USH2A: variants seen among roughly 807,000 people sequenced by gnomAD.
The protein encoded by USH2A is usherin.
A neutral mutation model predicts 538.9 loss-of-function variants in USH2A; 443 were observed. That is an observed-to-expected ratio of 0.82 (90% CI 0.76 to 0.89). The LOEUF (loss-of-function observed/expected upper bound fraction) is 0.89, where lower values mean the gene tolerates loss of function less well. Ranked by LOEUF, USH2A falls within the 40% of genes least tolerant of loss-of-function variation. The pLI is 0.00. For missense variants in USH2A, 6,633 were observed against 6,324.8 expected (o/e 1.05, Z -1.65); for synonymous variants, 2,413 against 2,273.5 (o/e 1.06, Z -1.75).
At chr1:216,120,333 G>C (rs922537301) in intron 21 of USH2A, among the ~76,000 whole-genome samples, 33 of 150,486 alleles carry the variant, frequency 2.2e-4, no homozygotes, top group East Asian at 1.2e-3. Context: ...TCAGGAGATT[G>C]AGGCCAGCCT....
intron 21 of USH2A, among the ~76,000 whole-genome samples, chr1:216,164,212 C>T (rs1235667205): frequency 6.6e-6 from 1 of 152,030 alleles, no homozygotes; most frequent in African/African-American, 2.4e-5. Flanking sequence ...TGAACTCTTC[C>T]ATTTAAAGGT....
chr1:216,174,344 T>C (rs1376187035), intron 21 of USH2A: 51 of 982,716 alleles, frequency 5.2e-5, no homozygotes, highest in Non-Finnish European at 6.2e-5. Context: ...ATTGGAAAAA[T>C]GGTGTACCAT....
intron 3 of USH2A, among the ~76,000 whole-genome samples, chr1:216,408,477 T>C (rs750760003): frequency 3.9e-5 from 6 of 152,124 alleles, no homozygotes; most frequent in Non-Finnish European, 5.9e-5. Context: ...CAAGATAAAG[T>C]TTAATTTTTA....
chr1:216,305,628 G>A (rs1477790774), intron 9 of USH2A, among the ~76,000 whole-genome samples: 1 of 151,638 alleles, frequency 6.6e-6, no homozygotes, highest in Non-Finnish European at 1.5e-5. Flanking sequence ...GCTTTAAGGA[G>A]GTTGTATTCT....
intron 20 of USH2A, among the ~76,000 whole-genome samples, chr1:216,187,635 C>T (rs913243824): frequency 2.0e-5 from 3 of 151,792 alleles, no homozygotes; most frequent in Non-Finnish European, 2.9e-5. Context: ...GTAAAATAAA[C>T]TCTCCTTGAT....
At chr1:216,282,767 T>C (rs2036807315) in intron 11 of USH2A, among the ~76,000 whole-genome samples, 1 of 152,208 alleles carries the variant, frequency 6.6e-6, no homozygotes, top group South Asian at 2.1e-4. Flanking sequence ...AAGGTGGGCA[T>C]TTAACAAAGA....
intron 70 of USH2A, among the ~76,000 whole-genome samples, chr1:215,633,075 T>C (rs1430781293): frequency 6.6e-6 from 1 of 152,128 alleles, no homozygotes; most frequent in African/African-American, 2.4e-5. Flanking sequence ...ATGTGGTAAA[T>C]GCTATAGAAA....
At chr1:215,647,429 G>C in intron 67 of USH2A, 93 bp downstream of exon 67, 1 of 1,495,900 alleles carries the variant, frequency 6.7e-7, no homozygotes, top group Non-Finnish European at 9.3e-7. Flanking sequence ...CACTCAATCT[G>C]TTTTTAAAAG....
chr1:215,924,643 G>A lies in USH2A; in HGVS notation c.7300+9973C>T, dbSNP rs1189817863. 2.7e-5 allele frequency among the ~76,000 whole-genome samples: 4 copies of A among 149,640 alleles called. No individual in the cohort carries two copies. In the East Asian group the frequency reaches 5.8e-4, roughly 22 times the overall value. Reference sequence around the variant, plus strand: ...TAAGCTTAAAGTTATGGATAAAGCCGTCTTCGAAGAAAAAAAAAGAAAATG... The same window carrying A: ...TAAGCTTAAAGTTATGGATAAAGCCATCTTCGAAGAAAAAAAAAGAAAATG... On this transcript the variant is annotated intron_variant, in intron 38 of 71. Transcript: ENST00000307340.
chr1:216,120,420 C>G (rs2033108609), intron 21 of USH2A, among the ~76,000 whole-genome samples: 1 of 151,664 alleles, frequency 6.6e-6, no homozygotes, highest in Admixed American at 6.6e-5. Context: ...CGCTCTGTCA[C>G]CCAGGCTGGA....
intron 41 of USH2A, among the ~76,000 whole-genome samples, chr1:215,888,069 A>G (rs1229257293): frequency 6.6e-6 from 1 of 152,250 alleles, no homozygotes; most frequent in African/African-American, 2.4e-5. Context: ...TTGGTAATGG[A>G]AAATTTTGTT....
At position 215,791,344 on chromosome 1, in the gene USH2A, A is replaced by C. The variant is rs187109304; in HGVS notation, c.9959-1062T>G. Among the ~76,000 whole-genome samples the C allele has an allele frequency of 5.9e-5, 9 of 152,356 alleles. No homozygotes were observed. The East Asian group carries it at 1.7e-3, about 29-fold the overall frequency. ...ATAACATAAAGAACCTCAAATTCAA[A>C]GTGCCCTGGGGTCCTGAATTGTTTA... On this transcript the variant is annotated intron_variant, in intron 50 of 71. Transcript: ENST00000307340.
intron 60 of USH2A, among the ~76,000 whole-genome samples, chr1:215,736,567 A>C (rs750353364): frequency 2.6e-5 from 4 of 152,050 alleles, no homozygotes; most frequent in Non-Finnish European, 5.9e-5. Context: ...AGAGCCATAA[A>C]AGTGCTGGAA....
intron 64 of USH2A, among the ~76,000 whole-genome samples, chr1:215,651,364 T>C (rs188718962): frequency 1.3e-5 from 2 of 152,176 alleles, no homozygotes; most frequent in Non-Finnish European, 2.9e-5. Flanking sequence ...TCAGGTACAA[T>C]AGACAGAGTA....
In USH2A at chr1:215,965,605, T is replaced by C. The variant is rs1052668157; in HGVS notation, c.6958-126A>G. 9 of 1,060,848 alleles carry C rather than the reference T, an allele frequency of 8.5e-6. No homozygotes were observed. In the Admixed American group the frequency reaches 2.0e-4, roughly 23 times the overall value. The allele number at this position is 1,060,848 out of a possible 1,614,324, so 65.7% of individuals were successfully genotyped here. On this transcript the variant is annotated intron_variant, in intron 36 of 71. Transcript: ENST00000307340. Reference sequence around the variant, plus strand: ...ACTATTTTGACAGTAGCATCTTGTATGAATACCTCATTTTGTCAGCAGGAT... The same window carrying C: ...ACTATTTTGACAGTAGCATCTTGTACGAATACCTCATTTTGTCAGCAGGAT...
chr1:216,144,265 C>A (rs867052653), intron 21 of USH2A, among the ~76,000 whole-genome samples: 1 of 151,888 alleles, frequency 6.6e-6, no homozygotes, highest in Non-Finnish European at 1.5e-5. Flanking sequence ...AAAGAAAGAG[C>A]AAGGAAAGAA....
chr1:216,341,184 A>T (rs1047078398), intron 4 of USH2A, among the ~76,000 whole-genome samples: 2 of 152,140 alleles, frequency 1.3e-5, no homozygotes, highest in Non-Finnish European at 2.9e-5. Flanking sequence ...GATCACAAGC[A>T]TTTCTATACA....
chr1:215,849,886 A>G (rs767879237), intron 44 of USH2A, among the ~76,000 whole-genome samples: 4 of 152,162 alleles, frequency 2.6e-5, no homozygotes, highest in Non-Finnish European at 4.4e-5. Context: ...AACAACAGAC[A>G]TACTTTCTTA....
intron 38 of USH2A, 121 bp downstream of exon 38, chr1:215,934,495 A>G (rs1666440948): frequency 4.0e-6 from 4 of 1,002,956 alleles, no homozygotes. Context: ...AGAACCAGAA[A>G]TACAATTGAG....
Sources: allele counts gnomAD v4.1 joint callset (sites outside exome capture counted in the v4.1 genomes callset), GRCh38; gene constraint gnomAD v4.1.1; transcripts MANE v1.5; gene names NCBI Gene and HGNC (gene_info 2026-07-23, HGNC 2026-07-21).